RUNX2: variants seen among roughly 807,000 people sequenced by gnomAD.
RUNX2 encodes runt-related transcription factor 2.
In RUNX2, 10 loss-of-function variants were observed where a neutral mutation model predicts 51.7. That is an observed-to-expected ratio of 0.19 (90% CI 0.12 to 0.33). The LOEUF (loss-of-function observed/expected upper bound fraction) is 0.33. Ranked by LOEUF, RUNX2 falls within the 10% of genes least tolerant of loss-of-function variation. The pLI, the probability that RUNX2 is intolerant of heterozygous loss-of-function variation, is 1.00. For missense variants in RUNX2, 562 were observed against 691.3 expected, an observed-to-expected ratio of 0.81 and a Z score of 2.10; for synonymous variants, 276 against 273.6, an observed-to-expected ratio of 1.01 and a Z score of -0.09.
At chr6:45,447,396 C>T (rs1799033673) in intron 5 of RUNX2, among the ~76,000 whole-genome samples, 1 of 152,146 alleles carries the variant, frequency 6.6e-6, no homozygotes, top group African/African-American at 2.4e-5. Context: ...CTCTCTTTTG[C>T]AAATGTTTTC....
intron 5 of RUNX2, among the ~76,000 whole-genome samples, chr6:45,469,374 T>A (rs1799731928): frequency 6.6e-6 from 1 of 152,380 alleles, no homozygotes; most frequent in South Asian, 2.1e-4. Context: ...ATTTTAACAT[T>A]TAAAACTTAC....
rs1554394671 is a variant in RUNX2 at position 45,485,716 on chromosome 6, T to TATAC, written c.686-6224_686-6223insTACA. 5.5e-4 allele frequency among the ~76,000 whole-genome samples: 70 copies of TATAC among 126,508 alleles called. No homozygotes were observed. In the Middle Eastern group the frequency reaches 0.012, roughly 22 times the overall value. The allele number at this position is 126,508 out of a possible 152,430, so 83.0% of individuals were successfully genotyped here. On this transcript the variant is annotated intron_variant, in intron 5 of 8. Coordinates refer to ENST00000647337, the MANE Select transcript of RUNX2 (RefSeq NM_001024630.4). ...GTGTGTGTATATATATATATATATA[T>TATAC]ACACATATTTAGCATCATCTTATCT... is the stretch of plus-strand genomic sequence containing the variant.
intron 5 of RUNX2, among the ~76,000 whole-genome samples, chr6:45,488,919 T>C (rs554807899): frequency 6.6e-6 from 1 of 152,320 alleles, no homozygotes; most frequent in African/African-American, 2.4e-5. Context: ...TTCCATGTTC[T>C]TAATTTCTGA....
intron 2 of RUNX2, among the ~76,000 whole-genome samples, chr6:45,361,857 C>G (rs1177849143): frequency 1.3e-5 from 2 of 152,224 alleles, no homozygotes; most frequent in African/African-American, 4.8e-5. Context: ...TTGAGACCAG[C>G]CTGGCCAACA....
chr6:45,373,312 G>A (rs913770506), intron 2 of RUNX2, among the ~76,000 whole-genome samples: 1 of 152,006 alleles, frequency 6.6e-6, no homozygotes, highest in African/African-American at 2.4e-5. Context: ...TATTTTCAGA[G>A]GGAGAACTAC....
intron 5 of RUNX2, among the ~76,000 whole-genome samples, chr6:45,455,821 T>C (rs1475842251): frequency 6.6e-6 from 1 of 152,242 alleles, no homozygotes; most frequent in Non-Finnish European, 1.5e-5. Context: ...TCACAAGAAA[T>C]GAATATTCTC....
chr6:45,459,084 C>T (rs1799400644), intron 5 of RUNX2, among the ~76,000 whole-genome samples: 1 of 152,156 alleles, frequency 6.6e-6, no homozygotes, highest in African/African-American at 2.4e-5. Context: ...CTTGACATCC[C>T]ATATTCTCTC....
At chr6:45,510,476 C>T (rs1801107416) in intron 6 of RUNX2, among the ~76,000 whole-genome samples, 1 of 152,064 alleles carries the variant, frequency 6.6e-6, no homozygotes, top group African/African-American at 2.4e-5. Flanking sequence ...AACAAATAAA[C>T]AAGAAATAGC....
chr6:45,328,343 A>G lies in RUNX2; in HGVS notation c.-184A>G, dbSNP rs778914485. ...TGTGAATGCTTCATTCGCCTCACAA[A>G]CAACCACAGAACCACAAGTGCGGTG... On this transcript the variant is annotated 5_prime_UTR_variant, in exon 1 of 9. Transcript: ENST00000647337. 1.5e-6 allele frequency: 2 copies of G among 1,379,288 alleles called. No individual in the cohort carries two copies. The highest frequency in any genetic ancestry group is 1.9e-5 in the Admixed American group (1 of 52,662). 85.4% of individuals were successfully genotyped at this position (1,379,288 alleles called of 1,614,324 possible).
At chr6:45,462,313 T>C (rs1799499916) in intron 5 of RUNX2, among the ~76,000 whole-genome samples, 1 of 152,210 alleles carries the variant, frequency 6.6e-6, no homozygotes, top group South Asian at 2.1e-4. Flanking sequence ...ACTCCACCGT[T>C]TACTCAACAT....
At chr6:45,503,215 C>G (rs2150414433) in intron 6 of RUNX2, among the ~76,000 whole-genome samples, 1 of 152,298 alleles carries the variant, frequency 6.6e-6, no homozygotes, top group Admixed American at 6.5e-5. Context: ...GCCTGTCTCT[C>G]CTACCCAACT....
At chr6:45,457,232 A>G (rs1485438430) in intron 5 of RUNX2, among the ~76,000 whole-genome samples, 3 of 152,190 alleles carry the variant, frequency 2.0e-5, no homozygotes, top group African/African-American at 7.2e-5. Flanking sequence ...AGATATGTAG[A>G]AAAAAAGAAA....
chr6:45,455,435 A>G (rs1799292376), intron 5 of RUNX2, among the ~76,000 whole-genome samples: 1 of 152,220 alleles, frequency 6.6e-6, no homozygotes, highest in African/African-American at 2.4e-5. Context: ...AAAGAAAATC[A>G]GCTTTAATAA....
At chr6:45,497,104 T>C (rs947374759) in intron 6 of RUNX2, among the ~76,000 whole-genome samples, 3 of 152,138 alleles carry the variant, frequency 2.0e-5, no homozygotes, top group Admixed American at 2.0e-4. Flanking sequence ...AGACTCGACA[T>C]TCTCACTCCT....
At chr6:45,368,517 T>C (rs1795526576) in intron 2 of RUNX2, among the ~76,000 whole-genome samples, 1 of 152,182 alleles carries the variant, frequency 6.6e-6, no homozygotes, top group East Asian at 1.9e-4. Context: ...ACTGGGTTTC[T>C]AGTTAGATCT....
intron 2 of RUNX2, among the ~76,000 whole-genome samples, chr6:45,397,818 T>C (rs577447213): frequency 6.6e-6 from 1 of 152,326 alleles, no homozygotes; most frequent in Admixed American, 6.5e-5. Flanking sequence ...CTTAATATAG[T>C]TGGTGCAATT....
At chr6:45,509,223 G>A (rs949281064) in intron 6 of RUNX2, among the ~76,000 whole-genome samples, 1 of 152,152 alleles carries the variant, frequency 6.6e-6, no homozygotes, top group African/African-American at 2.4e-5. Flanking sequence ...CCTAAAGAGA[G>A]TCAAAATAGT....
intron 5 of RUNX2, among the ~76,000 whole-genome samples, chr6:45,470,840 C>T (rs1422296771): frequency 3.9e-5 from 6 of 152,162 alleles, no homozygotes; most frequent in African/African-American, 1.4e-4. Flanking sequence ...TAGCTCAAGA[C>T]TCTGGCGAGT....
At chr6:45,329,068 A>G (rs1312914690) in intron 2 of RUNX2, among the ~76,000 whole-genome samples, 1 of 152,028 alleles carries the variant, frequency 6.6e-6, no homozygotes, top group African/African-American at 2.4e-5. Flanking sequence ...TGAAAACAGT[A>G]AAAGAAACAG....
Sources: gnomAD v4.1 joint callset for allele counts (sites outside exome capture counted in the v4.1 genomes callset) on GRCh38, gnomAD v4.1.1 for gene constraint, MANE v1.5 for transcripts, NCBI Gene and HGNC (gene_info 2026-07-23, HGNC 2026-07-21) for gene names.